The following TMEM91 variants were observed in gnomAD, a reference collection of about 807,000 sequenced individuals.
TMEM91 encodes the protein dispanin subfamily C member 3.
Under a neutral mutation model 13.3 loss-of-function variants are expected in TMEM91, and 6 were observed. That is an observed-to-expected ratio of 0.45 (90% CI 0.25 to 0.89). The LOEUF is 0.89. Among genes scored for constraint, TMEM91 ranks in the 40% least tolerant of loss-of-function variants. The pLI is 0.19. For missense variants in TMEM91, 193 were observed against 228.7 expected (o/e 0.84, Z 1.01); for synonymous variants, 87 against 101.7 (o/e 0.86, Z 0.87).
Position 41,378,386 on chromosome 19 carries a change from C to T in TMEM91, c.77C>T (p.Pro26Leu). The T allele has an allele frequency of 6.2e-7, 1 of 1,614,224 alleles. No homozygotes were observed. The highest frequency in any genetic ancestry group is 8.5e-7 in the Non-Finnish European group (1 of 1,180,036). ...GTECETPAQK[P>L]GRHELGSPLR... ...GAATGTGAGACCCCTGCCCAGAAGCCTGGCAGGCATGAGCTGGGGTCCCCC... is the reference window on the plus strand; with the variant it reads ...GAATGTGAGACCCCTGCCCAGAAGCTTGGCAGGCATGAGCTGGGGTCCCCC... The change falls in exon 2 of 4, where the codon CCT becomes CTT. Residue 26 changes from proline (P) to leucine (L), a missense_variant. Pro to Leu is a moderately conservative substitution (Grantham distance 98, BLOSUM62 -3). Coordinates refer to ENST00000392002, the MANE Select transcript of TMEM91 (RefSeq NM_001098821.2).
chr19:41,383,968 G>A lies in TMEM91; in HGVS notation c.*95G>A. The stretch of plus-strand genomic sequence containing the variant: ...AATCTTGGTGGATGAGGCTGCGGCG[G>A]CGGCAGGAGCATCTAGAAACGGGAG... On this transcript the variant is annotated 3_prime_UTR_variant, in exon 4 of 4. Transcript: ENST00000392002. 1 of 1,517,820 alleles carries A rather than the reference G, an allele frequency of 6.6e-7. No homozygotes were observed. Among genetic ancestry groups the A allele is most frequent in the Non-Finnish European group, 8.8e-7 (1 of 1,139,396 alleles). The allele number at this position is 1,517,820 out of a possible 1,614,324, so 94.0% of individuals were successfully genotyped here.
At position 41,376,610 on chromosome 19, in the gene TMEM91, C is replaced by G. The variant is rs921962969; in HGVS notation, c.-274C>G. 4 of 152,242 alleles carry G rather than the reference C, an allele frequency of 2.6e-5. No homozygotes were observed. Among genetic ancestry groups the G allele is most frequent in the African/African-American group, 9.6e-5 (4 of 41,452 alleles). 9.4% of individuals were successfully genotyped at this position (152,242 alleles called of 1,614,324 possible). On this transcript the variant is annotated 5_prime_UTR_variant, in exon 1 of 4. Coordinates refer to ENST00000392002, the MANE Select transcript of TMEM91 (RefSeq NM_001098821.2). ...CGCCTGCTCCCAGACCCCCGGGAGT[C>G]GTAGGAACCCGTTCCTGGACGCTGA...
intron 2 of TMEM91, among the ~76,000 whole-genome samples, chr19:41,381,815 A>G (rs968769883): frequency 1.3e-5 from 2 of 151,676 alleles, no homozygotes; most frequent in African/African-American, 4.8e-5. Flanking sequence ...CCCGGCCAAT[A>G]ATCTCCATCT....
intron 1 of TMEM91, among the ~76,000 whole-genome samples, chr19:41,367,575 G>A (rs534176306): frequency 2.3e-4 from 35 of 152,324 alleles, no homozygotes; most frequent in Non-Finnish European, 4.6e-4. Context: ...AGGTTGCAGT[G>A]ATCTGAGATC....
chr19:41,375,640 T>C (rs11670739), upstream of TMEM91, among the ~76,000 whole-genome samples: 95,742 of 150,174 alleles, frequency 0.64, 31,137 homozygotes, highest in African/African-American at 0.77. Context: ...CCTTCAGCAC[T>C]CCTCCGCAAA....
At chr19:41,383,541 T>C (rs759920965) in intron 3 of TMEM91, 174 bp from the exon 4 acceptor site, 8 of 1,578,104 alleles carry the variant, frequency 5.1e-6, no homozygotes, top group Non-Finnish European at 6.9e-6. Flanking sequence ...ACCATTTTAA[T>C]GTTTTTATTA....
chr19:41,378,035 CAAAAAAAAA>C (rs11449744), intron 1 of TMEM91, among the ~76,000 whole-genome samples: 1 of 101,728 alleles, frequency 9.8e-6, no homozygotes, highest in Non-Finnish European at 1.9e-5. Context: ...GACTTTGTCT[CAAAAAAAAA>C]AAAAAAAAAG....
chr19:41,366,097 C>T (rs1355879430), intron 1 of TMEM91, among the ~76,000 whole-genome samples: 1 of 147,172 alleles, frequency 6.8e-6, no homozygotes, highest in Non-Finnish European at 1.5e-5. Context: ...CTCTGTTGCC[C>T]AGGCTGGAGT....
chr19:41,364,088 C>G (rs1170461802), exon 1 of TMEM91: 2 of 164,468 alleles, frequency 1.2e-5, no homozygotes, highest in East Asian at 3.5e-4. Context: ...CGCCTGGCTG[C>G]GAGATATGTA....
intron 1 of TMEM91, among the ~76,000 whole-genome samples, chr19:41,365,707 G>GTTTTTTT: frequency 1.4e-5 from 1 of 69,680 alleles, no homozygotes; most frequent in Non-Finnish European, 2.6e-5. Context: ...GACCGGCCGG[G>GTTTTTTT]TTTTTTTTTT....
At chr19:41,368,545 G>A (rs1485550606) in intron 1 of TMEM91, among the ~76,000 whole-genome samples, 2 of 151,928 alleles carry the variant, frequency 1.3e-5, no homozygotes, top group Non-Finnish European at 1.5e-5. Context: ...AAGTAGCTGG[G>A]ATTACAGGCA....
At chr19:41,364,377 C>T (rs1255316375) in intron 1 of TMEM91, among the ~76,000 whole-genome samples, 1 of 152,074 alleles carries the variant, frequency 6.6e-6, no homozygotes, top group African/African-American at 2.4e-5. Context: ...GCAGTTTCTC[C>T]CAGATACCTT....
At chr19:41,374,630 A>G (rs10424861), upstream of TMEM91, among the ~76,000 whole-genome samples, 1,689 of 152,188 alleles carry the variant, frequency 0.011, 41 homozygotes, top group African/African-American at 0.039. Context: ...GTAGGTGAAG[A>G]AATAGGGGTT....
upstream of TMEM91, chr19:41,364,028 C>T (rs1039282309): frequency 1.7e-5 from 3 of 176,650 alleles, no homozygotes; most frequent in Non-Finnish European, 3.7e-5. Flanking sequence ...TTGACTGCTT[C>T]TTTTCTCCGC....
At chr19:41,371,097 G>T (rs1411022931) in intron 1 of TMEM91, among the ~76,000 whole-genome samples, 1 of 149,438 alleles carries the variant, frequency 6.7e-6, no homozygotes, top group East Asian at 2.0e-4. Flanking sequence ...TGCCTCCCAG[G>T]TTCAAGCAAT....
At chr19:41,375,529 C>T (rs1187763773), upstream of TMEM91, among the ~76,000 whole-genome samples, 3 of 150,950 alleles carry the variant, frequency 2.0e-5, no homozygotes, top group Admixed American at 6.6e-5. Context: ...CCGCCCGCCT[C>T]GGCCTCCCAA....
chr19:41,380,282 T>C (rs1442113393), intron 2 of TMEM91, among the ~76,000 whole-genome samples: 1 of 152,184 alleles, frequency 6.6e-6, no homozygotes. Context: ...AGGCAGCTTA[T>C]GTACCTCCAG....
intron 1 of TMEM91, among the ~76,000 whole-genome samples, chr19:41,370,500 G>A (rs1887582031): frequency 1.3e-5 from 2 of 151,922 alleles, no homozygotes; most frequent in East Asian, 1.9e-4. Flanking sequence ...TCCGCCTTCC[G>A]GGTTTAACCG....
At chr19:41,371,358 CTTCCTTCCTTCTTTCCTTCCTTCCTTCT>C (rs1568489486) in intron 1 of TMEM91, among the ~76,000 whole-genome samples, 3 of 146,426 alleles carry the variant, frequency 2.0e-5, no homozygotes, top group African/African-American at 7.8e-5. Context: ...TCCTTCCTTC[CTTCCTTCCTTCTTTCCTTCCTTCCTTCT>C]TTCCTTCCTC....
Sources: gnomAD v4.1 joint callset for allele counts (sites outside exome capture counted in the v4.1 genomes callset) on GRCh38, gnomAD v4.1.1 for gene constraint, MANE v1.5 for transcripts, NCBI Gene and HGNC (gene_info 2026-07-23, HGNC 2026-07-21) for gene names.